The following GRM1 variants were observed in gnomAD, a reference collection of about 807,000 sequenced individuals.
GRM1 encodes the protein glutamate metabotropic receptor 1.
In GRM1, 33 loss-of-function variants were observed where a neutral mutation model predicts 90.9. The ratio of observed to expected loss-of-function variants is 0.36; its 90% CI spans 0.28 to 0.49. The LOEUF (loss-of-function observed/expected upper bound fraction) is 0.49, where lower values mean the gene tolerates loss of function less well. GRM1 is among the 20% of genes least tolerant of loss of function. The pLI is 0.99. For synonymous variants in GRM1, 700 were observed against 613.2 expected, an observed-to-expected ratio of 1.14 and a Z score of -2.09; for missense variants, 1,190 against 1,534.3, an observed-to-expected ratio of 0.78 and a Z score of 3.75.
chr6:146,327,730 C>T (rs1470700590), intron 3 of GRM1, among the ~76,000 whole-genome samples: 1 of 152,166 alleles, frequency 6.6e-6, no homozygotes, highest in Non-Finnish European at 1.5e-5. Flanking sequence ...CTACAGGGCT[C>T]TTCTCCAGGC....
At chr6:146,136,908 A>G (rs1776645832) in intron 1 of GRM1, among the ~76,000 whole-genome samples, 1 of 129,364 alleles carries the variant, frequency 7.7e-6, no homozygotes, top group Non-Finnish European at 1.5e-5. Context: ...GCTGAAGTGC[A>G]GTTGCACAAT....
At position 146,030,051 on chromosome 6, in the gene GRM1, C is replaced by T. The variant is rs1376955627; in HGVS notation, c.534C>T (p.Phe178=). Residue 178 remains phenylalanine, a synonymous_variant, in exon 1 of 8, where the codon TTC becomes TTT. Coordinates refer to ENST00000282753, the MANE Select transcript of GRM1 (RefSeq NM_001278064.2). ...AIQVQNLLQL[F]DIPQIAYSAT... ...AAGTGCAGAACCTGCTCCAGCTCTT[C>T]GACATCCCCCAGATCGCTTATTCAG... The T allele has an allele frequency of 6.2e-7, 1 of 1,614,170 alleles. No homozygotes were observed. The highest frequency in any genetic ancestry group is 8.5e-7 in the Non-Finnish European group (1 of 1,180,034).
intron 1 of GRM1, among the ~76,000 whole-genome samples, chr6:146,139,954 C>CCCCTT (rs1198626871): frequency 1.1e-5 from 1 of 88,546 alleles, no homozygotes. Flanking sequence ...GCCCTCCCCT[C>CCCCTT]CCCTTCCCTT....
At chr6:146,415,008 A>G (rs1777725553) in intron 7 of GRM1, among the ~76,000 whole-genome samples, 2 of 152,196 alleles carry the variant, frequency 1.3e-5, no homozygotes, top group African/African-American at 2.4e-5. Flanking sequence ...TTATTACTGT[A>G]CTACATCTTG....
At chr6:146,339,083 T>C (rs1784878583) in intron 3 of GRM1, among the ~76,000 whole-genome samples, 1 of 152,216 alleles carries the variant, frequency 6.6e-6, no homozygotes, top group African/African-American at 2.4e-5. Flanking sequence ...AACAGCTAAG[T>C]AGGCAATTTT....
Position 146,437,116 on chromosome 6 carries a change from G to A in GRM1, c.*2320G>A, listed in dbSNP as rs1256325107. The A allele has an allele frequency of 3.3e-5, 5 of 152,294 alleles. No homozygotes were observed. The highest frequency in any genetic ancestry group is 6.8e-3 in the Middle Eastern group (2 of 294). The allele number at this position is 152,294 out of a possible 1,614,324, so 9.4% of individuals were successfully genotyped here. ...CCAGTGATTAATAGATGGGTTTTTA[G>A]TAATTGACAAATTCATGAGGGAAAG... On this transcript the variant is annotated 3_prime_UTR_variant, in exon 8 of 8. Coordinates refer to ENST00000282753, the MANE Select transcript of GRM1 (RefSeq NM_001278064.2).
Position 146,061,313 on chromosome 6 carries a change from G to A in GRM1, c.700+31096G>A, listed in dbSNP as rs573310243. ...GTGAGCACATACTGTTGGAAAAATG[G>A]CACTCATAGACTTGTTCTATGCAGG... On this transcript the variant is annotated intron_variant, in intron 1 of 7. Transcript: ENST00000282753. Among the ~76,000 whole-genome samples, 10 of 152,162 alleles carry A rather than the reference G, an allele frequency of 6.6e-5. No individual in the cohort carries two copies. In the East Asian group the frequency reaches 1.9e-3, roughly 30 times the overall value.
At chr6:146,113,740 C>T (rs1775645800) in intron 1 of GRM1, among the ~76,000 whole-genome samples, 4 of 152,146 alleles carry the variant, frequency 2.6e-5, no homozygotes, top group African/African-American at 9.7e-5. Context: ...TTATACTTTT[C>T]AGAGAAAAGG....
At chr6:146,310,831 C>A (rs1159123600) in intron 3 of GRM1, among the ~76,000 whole-genome samples, 1 of 152,210 alleles carries the variant, frequency 6.6e-6, no homozygotes, top group Non-Finnish European at 1.5e-5. Context: ...CACCACCTGA[C>A]AGTTGACGCC....
intron 1 of GRM1, among the ~76,000 whole-genome samples, chr6:146,084,517 G>C (rs1006804429): frequency 6.6e-6 from 1 of 152,086 alleles, no homozygotes; most frequent in African/African-American, 2.4e-5. Context: ...TCAGGAGCAG[G>C]TTGTTAAATT....
At chr6:146,384,671 CA>C (rs1392939807) in intron 5 of GRM1, among the ~76,000 whole-genome samples, 1 of 151,812 alleles carries the variant, frequency 6.6e-6, no homozygotes, top group African/African-American at 2.4e-5. Flanking sequence ...GAAAACCAAG[CA>C]ATAGAAACAG....
At position 146,437,101 on chromosome 6, in the gene GRM1, A is replaced by C. The variant is rs1029828460; in HGVS notation, c.*2305A>C. On this transcript the variant is annotated 3_prime_UTR_variant, in exon 8 of 8. Coordinates refer to ENST00000282753, the MANE Select transcript of GRM1 (RefSeq NM_001278064.2). Reference sequence around the variant, plus strand: ...GGAAAATCAATGGCTCCAGTGATTAATAGATGGGTTTTTAGTAATTGACAA... The same window carrying C: ...GGAAAATCAATGGCTCCAGTGATTACTAGATGGGTTTTTAGTAATTGACAA... 3 of 152,198 alleles carry C rather than the reference A, an allele frequency of 2.0e-5. No homozygotes were observed. Among genetic ancestry groups the C allele is most frequent in the African/African-American group, 7.2e-5 (3 of 41,460 alleles). The allele number at this position is 152,198 out of a possible 1,614,324, so 9.4% of individuals were successfully genotyped here.
At chr6:146,077,770 C>T (rs1349553051) in intron 1 of GRM1, among the ~76,000 whole-genome samples, 1 of 152,146 alleles carries the variant, frequency 6.6e-6, no homozygotes, top group East Asian at 1.9e-4. Context: ...CAAGTATTTG[C>T]TAAATGCCCT....
intron 7 of GRM1, among the ~76,000 whole-genome samples, chr6:146,432,427 G>A (rs894885925): frequency 6.6e-6 from 1 of 152,126 alleles, no homozygotes; most frequent in Non-Finnish European, 1.5e-5. Context: ...CATAAATGAT[G>A]CTCACATATA....
chr6:146,069,228 C>A (rs1307434528), intron 1 of GRM1, among the ~76,000 whole-genome samples: 24 of 152,058 alleles, frequency 1.6e-4, no homozygotes, highest in Admixed American at 1.6e-3. Context: ...TTTGGGAGAC[C>A]TTGATCCTGT....
intron 2 of GRM1, among the ~76,000 whole-genome samples, chr6:146,254,265 A>AG (rs1781405621): frequency 6.6e-6 from 1 of 151,816 alleles, no homozygotes; most frequent in African/African-American, 2.4e-5. Flanking sequence ...TCTTTATGTG[A>AG]CCTGCTTGAG....
intron 2 of GRM1, among the ~76,000 whole-genome samples, chr6:146,265,059 T>C (rs534963909): frequency 9.2e-5 from 14 of 152,174 alleles, no homozygotes; most frequent in Admixed American, 3.9e-4. Flanking sequence ...AGGAGTGAGA[T>C]TGCTGGGTCA....
chr6:146,379,260 G>T (rs1776226850), intron 5 of GRM1, among the ~76,000 whole-genome samples: 1 of 150,918 alleles, frequency 6.6e-6, no homozygotes, highest in Non-Finnish European at 1.5e-5. Flanking sequence ...GCGCTTTATT[G>T]TTTCTTTTCT....
intron 1 of GRM1, among the ~76,000 whole-genome samples, chr6:146,148,989 T>G (rs549010475): frequency 2.0e-5 from 3 of 152,240 alleles, no homozygotes; most frequent in South Asian, 2.1e-4. Flanking sequence ...AAATGCTGGG[T>G]TTTTTTCCAA....
Sources: allele counts gnomAD v4.1 joint callset (sites outside exome capture counted in the v4.1 genomes callset), GRCh38; gene constraint gnomAD v4.1.1; transcripts MANE v1.5; gene names NCBI Gene and HGNC (gene_info 2026-07-23, HGNC 2026-07-21).